TMTC1: variants seen among roughly 807,000 people sequenced by gnomAD.
The protein encoded by TMTC1 is protein O-mannosyl-transferase TMTC1.
In TMTC1, 73 loss-of-function variants were observed where a neutral mutation model predicts 104.8. The ratio of observed to expected loss-of-function variants is 0.70; its 90% CI spans 0.58 to 0.85. TMTC1 has a LOEUF of 0.85. TMTC1 is among the 40% of genes least tolerant of loss of function. TMTC1 has a pLI of 0.00. For synonymous variants in TMTC1, 434 were observed against 428.7 expected, an observed-to-expected ratio of 1.01 and a Z score of -0.15; for missense variants, 1,035 against 1,096.1, an observed-to-expected ratio of 0.94 and a Z score of 0.79.
At chr12:29,771,103 C>T (rs908147136) in intron 1 of TMTC1, among the ~76,000 whole-genome samples, 3 of 152,084 alleles carry the variant, frequency 2.0e-5, no homozygotes, top group Non-Finnish European at 4.4e-5. Flanking sequence ...CTGATATTAC[C>T]TCTGTTCTGT....
chr12:29,541,860 T>C (rs1944809613), intron 10 of TMTC1, among the ~76,000 whole-genome samples: 1 of 152,130 alleles, frequency 6.6e-6, no homozygotes, highest in African/African-American at 2.4e-5. Context: ...TGTTTCACCA[T>C]GTTGGCCAGG....
At chr12:29,615,100 G>A (rs778195343) in intron 6 of TMTC1, among the ~76,000 whole-genome samples, 12 of 152,192 alleles carry the variant, frequency 7.9e-5, no homozygotes, top group Non-Finnish European at 1.5e-4. Context: ...GGTTATAAGC[G>A]AACAGGGCCA....
rs146721485 is a variant in TMTC1 at position 29,681,420 on chromosome 12, G to A, written c.939-48084C>T. ...GTTTTTCAACCAATACTGAAATAACGGACCTAGGTATATGGCAACTCACTT... is the reference window on the plus strand; with the variant it reads ...GTTTTTCAACCAATACTGAAATAACAGACCTAGGTATATGGCAACTCACTT... On this transcript the variant is annotated intron_variant, in intron 5 of 17. Coordinates refer to ENST00000539277, the MANE Select transcript of TMTC1 (RefSeq NM_001193451.2). Among the ~76,000 whole-genome samples the A allele has an allele frequency of 9.9e-5, 15 of 152,188 alleles. 1 individual carries two copies. The highest frequency in any genetic ancestry group is 2.1e-4 in the South Asian group (1 of 4,816).
chr12:29,517,838 C>A (rs911739624), intron 13 of TMTC1, among the ~76,000 whole-genome samples: 1 of 152,100 alleles, frequency 6.6e-6, no homozygotes, highest in Non-Finnish European at 1.5e-5. Context: ...CCTCAGCCTC[C>A]TGAGTAGCAG....
intron 5 of TMTC1, among the ~76,000 whole-genome samples, chr12:29,662,027 T>C (rs1474124867): frequency 1.3e-5 from 2 of 152,060 alleles, no homozygotes; most frequent in Non-Finnish European, 2.9e-5. Context: ...AAGCCCCAAA[T>C]GAAAACATAA....
At chr12:29,554,567 T>C (rs1161154187) in intron 10 of TMTC1, among the ~76,000 whole-genome samples, 1 of 152,212 alleles carries the variant, frequency 6.6e-6, no homozygotes, top group African/African-American at 2.4e-5. Context: ...TATATTGTGC[T>C]ATACATATGC....
At chr12:29,587,819 T>G (rs948688707) in intron 7 of TMTC1, among the ~76,000 whole-genome samples, 1 of 152,134 alleles carries the variant, frequency 6.6e-6, no homozygotes, top group African/African-American at 2.4e-5. Flanking sequence ...AAACATATAT[T>G]TATAATACAA....
chr12:29,682,351 T>C (rs1354010168), intron 5 of TMTC1, among the ~76,000 whole-genome samples: 1 of 152,138 alleles, frequency 6.6e-6, no homozygotes, highest in Non-Finnish European at 1.5e-5. Flanking sequence ...CAACATACAG[T>C]TACCATAAAG....
chr12:29,656,852 A>C (rs1939783038), intron 5 of TMTC1, among the ~76,000 whole-genome samples: 1 of 152,260 alleles, frequency 6.6e-6, no homozygotes, highest in Non-Finnish European at 1.5e-5. Flanking sequence ...TCCACCAAAG[A>C]AGTTTTTTTT....
chr12:29,680,917 G>A (rs755849738), intron 5 of TMTC1, among the ~76,000 whole-genome samples: 18 of 152,056 alleles, frequency 1.2e-4, no homozygotes, highest in Non-Finnish European at 2.4e-4. Flanking sequence ...GGCCAACATG[G>A]TGAAACCCCA....
intron 12 of TMTC1, among the ~76,000 whole-genome samples, chr12:29,520,086 A>C (rs1944105511): frequency 1.3e-5 from 2 of 152,254 alleles, no homozygotes; most frequent in Non-Finnish European, 2.9e-5. Context: ...ATTCATGCCC[A>C]GTAATGTTTT....
chr12:29,562,819 T>C (rs1945410988), intron 9 of TMTC1, among the ~76,000 whole-genome samples: 1 of 152,182 alleles, frequency 6.6e-6, no homozygotes, highest in Admixed American at 6.5e-5. Flanking sequence ...TACATACATT[T>C]AATATTTTGG....
intron 7 of TMTC1, among the ~76,000 whole-genome samples, chr12:29,589,311 T>C (rs1451781717): frequency 2.6e-5 from 4 of 152,218 alleles, no homozygotes; most frequent in African/African-American, 9.7e-5. Flanking sequence ...CTGTGTTCCT[T>C]TCTTCCAGGC....
At chr12:29,623,836 T>A (rs1272892273) in intron 6 of TMTC1, among the ~76,000 whole-genome samples, 1 of 145,732 alleles carries the variant, frequency 6.9e-6, no homozygotes, top group Non-Finnish European at 1.5e-5. Flanking sequence ...TAAATTAAAT[T>A]AAATTAAATT....
intron 5 of TMTC1, among the ~76,000 whole-genome samples, chr12:29,697,277 GAC>G (rs1331703142): frequency 1.3e-5 from 2 of 152,106 alleles, no homozygotes; most frequent in African/African-American, 4.8e-5. Context: ...ACTGTCTTGG[GAC>G]AGTCTTTTAC....
chr12:29,771,615 G>C (rs1321180182), intron 1 of TMTC1, among the ~76,000 whole-genome samples: 1 of 152,162 alleles, frequency 6.6e-6, no homozygotes, highest in African/African-American at 2.4e-5. Flanking sequence ...TAAATGTTAA[G>C]GAATTCTGGC....
intron 11 of TMTC1, chr12:29,533,227 T>C (rs952712487): frequency 6.6e-6 from 1 of 152,202 alleles, no homozygotes; most frequent in African/African-American, 2.4e-5. Flanking sequence ...TTAATCTATT[T>C]TTCAAATTTG....
chr12:29,673,744 CTTTTTTTTTTT>C (rs146463669), intron 5 of TMTC1, among the ~76,000 whole-genome samples: 5 of 95,736 alleles, frequency 5.2e-5, no homozygotes, highest in African/African-American at 1.6e-4. Flanking sequence ...AGAGGGACTT[CTTTTTTTTTTT>C]TTTTTTTTTT....
chr12:29,756,288 T>C (rs1403298740), intron 3 of TMTC1, among the ~76,000 whole-genome samples: 1 of 152,192 alleles, frequency 6.6e-6, no homozygotes, highest in Non-Finnish European at 1.5e-5. Context: ...GCAAGTTGCT[T>C]TACTTCTTGG....
Sources: allele counts gnomAD v4.1 joint callset (sites outside exome capture counted in the v4.1 genomes callset), GRCh38; gene constraint gnomAD v4.1.1; transcripts MANE v1.5; gene names NCBI Gene and HGNC (gene_info 2026-07-23, HGNC 2026-07-21).